TXLNB: variants seen among roughly 807,000 people sequenced by gnomAD.
The protein encoded by TXLNB is beta-taxilin.
In TXLNB, 37 loss-of-function variants were observed where a neutral mutation model predicts 57.4. That is an observed-to-expected ratio of 0.64 (90% CI 0.50 to 0.85). TXLNB has a LOEUF of 0.85. Among genes scored for constraint, TXLNB ranks in the 40% least tolerant of loss-of-function variants. The probability of loss-of-function intolerance (pLI) is 0.00; values close to 1 mark genes in which losing one functional copy is unlikely to be tolerated. For missense variants in TXLNB, 848 were observed against 825.6 expected (o/e 1.03, Z -0.33); for synonymous variants, 302 against 309.6 (o/e 0.98, Z 0.26).
At chr6:139,184,793 T>G in the TXLNB span, among the ~76,000 whole-genome samples, 614 of 152,324 alleles carry the variant, frequency 4.0e-3, 3 homozygotes, top group Middle Eastern at 0.014. Context: ...TGTTAGAAGC[T>G]CTGGTATCCC....
chr6:139,266,965 G>GAAAAAAAAAAAAAAA (rs201223278), intron 4 of TXLNB, among the ~76,000 whole-genome samples: 1 of 110,494 alleles, frequency 9.1e-6, no homozygotes, highest in Non-Finnish European at 2.0e-5. Context: ...AGGCTAAAAG[G>GAAAAAAAAAAAAAAA]AAAAAAAAAA....
upstream of TXLNB, among the ~76,000 whole-genome samples, chr6:139,294,443 C>A (rs149130876): frequency 4.8e-3 from 728 of 152,186 alleles, 5 homozygotes; most frequent in Middle Eastern, 0.014. Flanking sequence ...CCCCAAAATT[C>A]ATGTGTTGAA....
At chr6:139,259,331 C>T (rs879922406) in intron 6 of TXLNB, among the ~76,000 whole-genome samples, 1 of 152,194 alleles carries the variant, frequency 6.6e-6, no homozygotes, top group Admixed American at 6.5e-5. Context: ...ACTTTTTAAG[C>T]CCTACAAAGC....
chr6:139,246,132 G>A (rs1297791732), intron 8 of TXLNB, among the ~76,000 whole-genome samples: 2 of 152,082 alleles, frequency 1.3e-5, no homozygotes, highest in Admixed American at 6.5e-5. Context: ...AACTACTAAC[G>A]TCCATAAATG....
chr6:139,290,553 C>A (rs1437365368), intron 1 of TXLNB, among the ~76,000 whole-genome samples: 2 of 152,028 alleles, frequency 1.3e-5, no homozygotes, highest in Non-Finnish European at 2.9e-5. Flanking sequence ...TAAGAAGTAG[C>A]AATGTTTCAT....
intron 2 of TXLNB, among the ~76,000 whole-genome samples, chr6:139,282,348 G>C (rs1279020953): frequency 7.1e-6 from 1 of 141,310 alleles, no homozygotes; most frequent in Non-Finnish European, 1.6e-5. Context: ...AGGGTGAGGT[G>C]GGCAGATCAC....
intron 2 of TXLNB, among the ~76,000 whole-genome samples, chr6:139,282,759 G>A (rs1320907422): frequency 6.9e-6 from 1 of 145,182 alleles, no homozygotes; most frequent in African/African-American, 2.5e-5. Flanking sequence ...TACCACTTTG[G>A]TCCTGCGATG....
At chr6:139,257,990 C>A (rs183194740) in intron 6 of TXLNB, among the ~76,000 whole-genome samples, 2 of 152,246 alleles carry the variant, frequency 1.3e-5, no homozygotes, top group Admixed American at 1.3e-4. Context: ...CCTACAGTGT[C>A]CCCTCTGGCC....
chr6:139,187,079 A>C, the TXLNB span, among the ~76,000 whole-genome samples: 1 of 152,144 alleles, frequency 6.6e-6, no homozygotes, highest in Non-Finnish European at 1.5e-5. Context: ...AAACTTATTA[A>C]ATTGTATACT....
chr6:139,247,767 C>T, intron 8 of TXLNB, 50 bp downstream of exon 8: 1 of 1,340,974 alleles, frequency 7.5e-7, no homozygotes, highest in Non-Finnish European at 1.0e-6. Flanking sequence ...GGAAATTTGC[C>T]TGTCAAAATA....
intron 6 of TXLNB, among the ~76,000 whole-genome samples, chr6:139,256,890 G>C (rs912590811): frequency 2.0e-5 from 3 of 152,200 alleles, no homozygotes; most frequent in African/African-American, 7.2e-5. Context: ...GATATCGGTG[G>C]CCTGTGGATT....
the TXLNB span, among the ~76,000 whole-genome samples, chr6:139,207,923 A>G: frequency 5.9e-5 from 9 of 152,180 alleles, no homozygotes; most frequent in African/African-American, 2.2e-4. Context: ...TAAAAGTACA[A>G]AAATTAGCTG....
chr6:139,174,607 A>G, the TXLNB span: 1 of 1,560,316 alleles, frequency 6.4e-7, no homozygotes, highest in Non-Finnish European at 8.7e-7. Flanking sequence ...GAATGTAGGG[A>G]AGATGCGTCT....
chr6:139,281,674 G>A (rs1296136878), intron 2 of TXLNB, among the ~76,000 whole-genome samples: 1 of 103,450 alleles, frequency 9.7e-6, no homozygotes. Flanking sequence ...TCAGCCTCCC[G>A]AGTAGCTGGG....
At chr6:139,173,702 G>T in the TXLNB span, among the ~76,000 whole-genome samples, 2 of 152,152 alleles carry the variant, frequency 1.3e-5, no homozygotes, top group East Asian at 3.8e-4. Flanking sequence ...TATACACTAG[G>T]ATGACATCTT....
At chr6:139,191,158 G>A in the TXLNB span, among the ~76,000 whole-genome samples, 2 of 151,842 alleles carry the variant, frequency 1.3e-5, no homozygotes, top group Admixed American at 1.3e-4. Context: ...GGTGGCTTAC[G>A]TCTGTAATCC....
At chr6:139,167,014 G>T in the TXLNB span, 5 of 1,614,062 alleles carry the variant, frequency 3.1e-6, no homozygotes, top group East Asian at 1.1e-4. Flanking sequence ...TTCACAGGGG[G>T]GGACACTTCG....
chr6:139,309,774 T>C, the TXLNB span, among the ~76,000 whole-genome samples: 5 of 151,948 alleles, frequency 3.3e-5, no homozygotes, highest in African/African-American at 9.7e-5. Context: ...GATAAATACA[T>C]TAATTAATTA....
Position 139,243,200 on chromosome 6 carries a change from C to G in TXLNB, c.1381G>C (p.Ala461Pro). 1 of 1,614,110 alleles carries G rather than the reference C, an allele frequency of 6.2e-7. No homozygotes were observed. Among genetic ancestry groups the G allele is most frequent in the East Asian group, 2.2e-5 (1 of 44,876 alleles). Reference protein sequence around the residue: ...RNELHKKIRDAEISEKDDQSQ... With the variant: ...RNELHKKIRDPEISEKDDQSQ... ...TGGTCATCCTTTTCAGATATTTCTG[C>G]GTCTCTGATTTTTTTGTGGAGTTCG... The change falls in exon 10 of 10, where the codon GCA (alanine) becomes CCA (proline). Residue 461 changes from alanine to proline, a missense_variant. By Grantham distance (27) the Ala-to-Pro change is conservative. Coordinates refer to ENST00000358430, the MANE Select transcript of TXLNB (RefSeq NM_153235.4).
Sources: allele counts gnomAD v4.1 joint callset (sites outside exome capture counted in the v4.1 genomes callset), GRCh38; gene constraint gnomAD v4.1.1; transcripts MANE v1.5; gene names NCBI Gene and HGNC (gene_info 2026-07-23, HGNC 2026-07-21).